The following SUGCT variants were observed in gnomAD, a reference collection of about 807,000 sequenced individuals.
SUGCT encodes the protein succinyl-CoA:glutarate-CoA transferase.
In SUGCT, 41 loss-of-function variants were observed where a neutral mutation model predicts 55.0. The observed-to-expected ratio is 0.74, with a 90% confidence interval of 0.58 to 0.97. SUGCT has a LOEUF of 0.97. SUGCT is among the 50% of genes least tolerant of loss of function. SUGCT has a pLI of 0.00. For synonymous variants in SUGCT, 187 were observed against 200.4 expected (o/e 0.93, Z 0.56); for missense variants, 568 against 547.8 (o/e 1.04, Z -0.37).
Position 40,189,533 on chromosome 7 carries a change from T to A in SUGCT, c.313-11T>A. On this transcript the variant is annotated splice_polypyrimidine_tract_variant and intron_variant, in intron 4 of 13. Transcript: ENST00000335693. The stretch of plus-strand genomic sequence containing the variant: ...GAAATAATATATATATATATATTTT[T>A]TAATTTTTAGAGTATTGCTGTTAAT... The A allele has an allele frequency of 9.2e-7, 1 of 1,085,312 alleles. No individual in the cohort carries two copies. The highest frequency in any genetic ancestry group is 1.2e-6 in the Non-Finnish European group (1 of 825,754). The allele number at this position is 1,085,312 out of a possible 1,614,324, so 67.2% of individuals were successfully genotyped here.
rs373281403 is a variant in SUGCT at position 40,191,069 on chromosome 7, T to G, written c.363+1475T>G. Among the ~76,000 whole-genome samples, 91 of 152,150 alleles carry G rather than the reference T, an allele frequency of 6.0e-4. 2 individuals are homozygous for G. The South Asian group carries it at 0.017, about 29-fold the overall frequency. On this transcript the variant is annotated intron_variant, in intron 5 of 13. Transcript: ENST00000335693. Reference sequence around the variant, plus strand: ...TCTTGCCGTGTCACCCAGGCTGGAGTGCAGTGGCGCGATCTCGGCTCACTG... The same window carrying G: ...TCTTGCCGTGTCACCCAGGCTGGAGGGCAGTGGCGCGATCTCGGCTCACTG...
intron 1 of SUGCT, among the ~76,000 whole-genome samples, chr7:40,177,177 T>C (rs1784967629): frequency 6.6e-6 from 1 of 152,136 alleles, no homozygotes. Flanking sequence ...ATTTAGTAGG[T>C]AAGCAAACTG....
At chr7:40,418,511 A>C (rs942542554) in intron 9 of SUGCT, among the ~76,000 whole-genome samples, 7 of 152,288 alleles carry the variant, frequency 4.6e-5, no homozygotes, top group Admixed American at 4.6e-4. Flanking sequence ...AATACCAAGT[A>C]TTTGGGAGAA....
intron 7 of SUGCT, among the ~76,000 whole-genome samples, chr7:40,268,851 C>A (rs902855379): frequency 2.0e-5 from 3 of 152,076 alleles, no homozygotes; most frequent in Non-Finnish European, 2.9e-5. Flanking sequence ...GTTGGCCAGA[C>A]TAGTCTCGAA....
At chr7:40,354,898 G>A (rs17171693) in intron 9 of SUGCT, among the ~76,000 whole-genome samples, 13,829 of 152,228 alleles carry the variant, frequency 0.091, 1,085 homozygotes, top group East Asian at 0.44. Context: ...TTATTATGAG[G>A]TTGACCCTAT....
chr7:40,411,873 A>G (rs117984514), intron 9 of SUGCT, among the ~76,000 whole-genome samples: 1 of 152,176 alleles, frequency 6.6e-6, no homozygotes, highest in South Asian at 2.1e-4. Context: ...TCAAATTTAC[A>G]TATGCAGCCC....
At chr7:40,554,278 G>T (rs896018024) in intron 12 of SUGCT, among the ~76,000 whole-genome samples, 4 of 152,202 alleles carry the variant, frequency 2.6e-5, no homozygotes, top group African/African-American at 9.7e-5. Context: ...GCCTAACTCT[G>T]ATGGTGGATG....
At chr7:40,185,538 T>C (rs1285284124) in intron 3 of SUGCT, among the ~76,000 whole-genome samples, 1 of 152,168 alleles carries the variant, frequency 6.6e-6, no homozygotes, top group Non-Finnish European at 1.5e-5. Context: ...TTCTTTTTTT[T>C]GAGACAGACT....
intron 7 of SUGCT, among the ~76,000 whole-genome samples, chr7:40,242,906 C>CATATATATATACAT (rs1789503479): frequency 3.1e-5 from 1 of 32,232 alleles, no homozygotes; most frequent in African/African-American, 1.2e-4. Flanking sequence ...TGCTATGTGG[C>CATATATATATACAT]ATATATATAT....
intron 12 of SUGCT, among the ~76,000 whole-genome samples, chr7:40,702,824 C>T (rs1296190021): frequency 6.6e-6 from 1 of 152,134 alleles, no homozygotes; most frequent in Non-Finnish European, 1.5e-5. Context: ...CCCATGGGCC[C>T]CTCACCTATA....
intron 13 of SUGCT, among the ~76,000 whole-genome samples, chr7:40,836,584 C>T (rs1278974005): frequency 3.9e-5 from 6 of 152,186 alleles, no homozygotes; most frequent in African/African-American, 1.4e-4. Flanking sequence ...CCTCATTCTG[C>T]CCTTTTAGAG....
At chr7:41,027,790 C>T in the SUGCT span, among the ~76,000 whole-genome samples, 1 of 152,100 alleles carries the variant, frequency 6.6e-6, no homozygotes, top group East Asian at 1.9e-4. Context: ...CGTCTAAAGA[C>T]CACAAAGAGT....
At chr7:40,635,062 G>A (rs1799959777) in intron 12 of SUGCT, among the ~76,000 whole-genome samples, 1 of 152,162 alleles carries the variant, frequency 6.6e-6, no homozygotes, top group Non-Finnish European at 1.5e-5. Context: ...GAGGCAGGTG[G>A]ATCACTTAAG....
intron 12 of SUGCT, among the ~76,000 whole-genome samples, chr7:40,522,430 A>G (rs748034145): frequency 6.6e-6 from 1 of 152,096 alleles, no homozygotes; most frequent in Non-Finnish European, 1.5e-5. Flanking sequence ...ACTAGTTGCT[A>G]CCATTGTAAT....
At chr7:40,146,910 A>G (rs1315306852) in intron 1 of SUGCT, among the ~76,000 whole-genome samples, 3 of 152,186 alleles carry the variant, frequency 2.0e-5, no homozygotes, top group African/African-American at 7.2e-5. Context: ...TTAAAGGAAT[A>G]GGGTACACTG....
chr7:40,591,756 AG>A (rs1305891035), intron 12 of SUGCT, among the ~76,000 whole-genome samples: 2 of 152,230 alleles, frequency 1.3e-5, no homozygotes, highest in African/African-American at 2.4e-5. Flanking sequence ...ACCAGTAAAA[AG>A]GTTATGATGT....
chr7:40,771,911 T>C (rs1789124458), intron 13 of SUGCT, among the ~76,000 whole-genome samples: 1 of 152,216 alleles, frequency 6.6e-6, no homozygotes, highest in Admixed American at 6.5e-5. Flanking sequence ...ATTACTCCTT[T>C]ATATTTTCCC....
intron 12 of SUGCT, among the ~76,000 whole-genome samples, chr7:40,498,690 C>T (rs1318381117): frequency 1.3e-5 from 2 of 152,178 alleles, no homozygotes; most frequent in Non-Finnish European, 2.9e-5. Context: ...ATCTGAGATA[C>T]TGTTTATGAA....
Position 40,860,432 on chromosome 7 carries a change from G to A in SUGCT, c.1270G>A (p.Gly424Arg), listed in dbSNP as rs767780695. Residue 424 changes from glycine to arginine, a missense_variant, in exon 14 of 14, where the codon GGG becomes AGG. Gly to Arg is a moderately radical substitution (Grantham distance 125, BLOSUM62 -2). Transcript: ENST00000335693. ...EVLRYDDRAI[G>R]ELLSAGVVDQ... ...CCTGAGATACGATGACAGGGCCATC[G>A]GGGAGCTGCTCAGCGCTGGAGTGGT... 5.6e-6 allele frequency: 9 copies of A among 1,613,948 alleles called. No individual in the cohort carries two copies. Among genetic ancestry groups the A allele is most frequent in the Non-Finnish European group, 6.8e-6 (8 of 1,179,832 alleles).
Sources: gnomAD v4.1 joint callset for allele counts (sites outside exome capture counted in the v4.1 genomes callset) on GRCh38, gnomAD v4.1.1 for gene constraint, MANE v1.5 for transcripts, NCBI Gene and HGNC (gene_info 2026-07-23, HGNC 2026-07-21) for gene names.